Variants in ATP10D observed in about 807,000 individuals in gnomAD.
ATP10D encodes the protein phospholipid-transporting ATPase VD.
In ATP10D, 89 loss-of-function variants were observed where a neutral mutation model predicts 144.8. The ratio of observed to expected loss-of-function variants is 0.61; its 90% CI spans 0.52 to 0.73. The LOEUF is 0.73. ATP10D is among the 30% of genes least tolerant of loss of function. The pLI is 0.00. For synonymous variants in ATP10D, 571 were observed against 615.1 expected, an observed-to-expected ratio of 0.93 and a Z score of 1.06; for missense variants, 1,603 against 1,714.8, an observed-to-expected ratio of 0.93 and a Z score of 1.15.
chr4:47,552,800 A>G (rs537657746), intron 10 of ATP10D, among the ~76,000 whole-genome samples: 2 of 152,312 alleles, frequency 1.3e-5, no homozygotes, highest in Non-Finnish European at 2.9e-5. Flanking sequence ...ATTAGCTTCT[A>G]TGGTCTCTGA....
At chr4:47,590,980 G>GGGT (rs1553902241) in intron 22 of ATP10D, 62 bp from the exon 23 acceptor site, 1 of 1,142,588 alleles carries the variant, frequency 8.8e-7, no homozygotes, top group Admixed American at 2.6e-5. Context: ...AGTATTTGGG[G>GGGT]GGGGGGGTTC....
chr4:47,587,279 C>A, intron 22 of ATP10D, 73 bp downstream of exon 22: 1 of 1,380,538 alleles, frequency 7.2e-7, no homozygotes, highest in Non-Finnish European at 1.0e-6. Context: ...AACTACACTA[C>A]TACGAATGGT....
chr4:47,523,295 T>G (rs868122725), intron 4 of ATP10D, 79 bp downstream of exon 4: 2 of 1,169,886 alleles, frequency 1.7e-6, no homozygotes, highest in Non-Finnish European at 1.3e-6. Flanking sequence ...ACATTACAGA[T>G]AAAGAGATTT....
At chr4:47,529,695 A>G (rs773728097) in intron 5 of ATP10D, among the ~76,000 whole-genome samples, 1 of 152,038 alleles carries the variant, frequency 6.6e-6, no homozygotes, top group Non-Finnish European at 1.5e-5. Flanking sequence ...TTGATATTTT[A>G]TAGGAATTAC....
chr4:47,511,360 G>T (rs1716316750), intron 1 of ATP10D, among the ~76,000 whole-genome samples: 1 of 152,012 alleles, frequency 6.6e-6, no homozygotes, highest in African/African-American at 2.4e-5. Flanking sequence ...TGATAAGACG[G>T]GCTATCTATT....
intron 14 of ATP10D, among the ~76,000 whole-genome samples, chr4:47,561,484 T>G (rs189487833): frequency 6.6e-6 from 1 of 152,102 alleles, no homozygotes; most frequent in Non-Finnish European, 1.5e-5. Flanking sequence ...TAGAGGAAAT[T>G]TGGGGCACAG....
Position 47,515,551 on chromosome 4 carries a change from C to A in ATP10D, c.366C>A (p.Ile122=). 6.2e-7 allele frequency: 1 copy of A among 1,613,740 alleles called. No individual in the cohort carries two copies. Among genetic ancestry groups the A allele is most frequent in the Non-Finnish European group, 8.5e-7 (1 of 1,179,700 alleles). Residue 122 remains isoleucine, a synonymous_variant, in exon 3 of 23, where the codon ATC becomes ATA. Coordinates refer to ENST00000273859, the MANE Select transcript of ATP10D (RefSeq NM_020453.4). The part of the protein sequence containing the change: ...VPLVEAFQKE[I]TMLPLVVVLT... ...TGGTAGAAGCCTTCCAAAAGGAAATCACCATGTTGCCTCTGGTGGTGGTCC... is the reference window on the plus strand; with the variant it reads ...TGGTAGAAGCCTTCCAAAAGGAAATAACCATGTTGCCTCTGGTGGTGGTCC...
At chr4:47,569,449 G>GA (rs1479168929) in intron 16 of ATP10D, among the ~76,000 whole-genome samples, 1 of 152,140 alleles carries the variant, frequency 6.6e-6, no homozygotes, top group East Asian at 1.9e-4. Flanking sequence ...TCACAGAACT[G>GA]AAAAATCCAT....
intron 9 of ATP10D, among the ~76,000 whole-genome samples, chr4:47,540,982 G>A (rs1440638436): frequency 6.6e-6 from 1 of 152,096 alleles, no homozygotes; most frequent in East Asian, 1.9e-4. Context: ...CAGTAGCATT[G>A]AACACTTTTC....
At chr4:47,524,213 A>G (rs1274183885) in intron 4 of ATP10D, among the ~76,000 whole-genome samples, 1 of 151,786 alleles carries the variant, frequency 6.6e-6, no homozygotes, top group African/African-American at 2.4e-5. Flanking sequence ...AGAGTGAGCC[A>G]CTGCGCTCGG....
At chr4:47,544,320 T>C (rs1718306648) in intron 9 of ATP10D, among the ~76,000 whole-genome samples, 1 of 152,210 alleles carries the variant, frequency 6.6e-6, no homozygotes, top group African/African-American at 2.4e-5. Flanking sequence ...TAAGAGTCAG[T>C]ATAGCTACAG....
At chr4:47,518,598 A>G (rs1332763026) in intron 3 of ATP10D, among the ~76,000 whole-genome samples, 2 of 152,212 alleles carry the variant, frequency 1.3e-5, no homozygotes, top group African/African-American at 4.8e-5. Flanking sequence ...AAAAATCACC[A>G]TGTTGTTGAT....
At chr4:47,558,731 C>A (rs1296454141) in intron 12 of ATP10D, among the ~76,000 whole-genome samples, 192 bp from the exon 13 acceptor site, 1 of 152,212 alleles carries the variant, frequency 6.6e-6, no homozygotes, top group Non-Finnish European at 1.5e-5. Flanking sequence ...GTACTTTCCT[C>A]TGCCCAAGGG....
At chr4:47,508,212 T>C (rs1252475053) in intron 1 of ATP10D, among the ~76,000 whole-genome samples, 4 of 152,312 alleles carry the variant, frequency 2.6e-5, no homozygotes, top group East Asian at 1.9e-4. Context: ...TTAGGTAGTA[T>C]GAAGGTCACT....
intron 5 of ATP10D, among the ~76,000 whole-genome samples, chr4:47,529,118 T>C (rs1383896709): frequency 6.6e-6 from 1 of 152,202 alleles, no homozygotes; most frequent in South Asian, 2.1e-4. Flanking sequence ...ATTGTTTCTT[T>C]TGCTATGTAG....
chr4:47,543,519 A>G (rs1002369558), intron 9 of ATP10D, among the ~76,000 whole-genome samples: 1 of 152,208 alleles, frequency 6.6e-6, no homozygotes, highest in Non-Finnish European at 1.5e-5. Context: ...TCACCCAGTT[A>G]TAACAAGCAA....
chr4:47,494,602 T>C (rs1715258655), intron 1 of ATP10D, among the ~76,000 whole-genome samples: 1 of 151,530 alleles, frequency 6.6e-6, no homozygotes, highest in African/African-American at 2.4e-5. Context: ...TTTTGGAATG[T>C]TGTAGATTGG....
At chr4:47,518,940 A>G (rs1716813206) in intron 3 of ATP10D, among the ~76,000 whole-genome samples, 1 of 152,128 alleles carries the variant, frequency 6.6e-6, no homozygotes, top group African/African-American at 2.4e-5. Flanking sequence ...GTCAAGGCCA[A>G]TTTTTTCTAA....
At chr4:47,539,250 C>A (rs1036060500) in intron 9 of ATP10D, among the ~76,000 whole-genome samples, 2 of 152,104 alleles carry the variant, frequency 1.3e-5, no homozygotes, top group African/African-American at 4.8e-5. Flanking sequence ...ACTATATTTT[C>A]TTCTAGGTAC....
Sources: gnomAD v4.1 joint callset for allele counts (sites outside exome capture counted in the v4.1 genomes callset) on GRCh38, gnomAD v4.1.1 for gene constraint, MANE v1.5 for transcripts, NCBI Gene and HGNC (gene_info 2026-07-23, HGNC 2026-07-21) for gene names.